MGRN1: variants seen among roughly 807,000 people sequenced by gnomAD.
MGRN1 encodes E3 ubiquitin-protein ligase MGRN1.
In MGRN1, 29 loss-of-function variants were observed where a neutral mutation model predicts 69.2. That is an observed-to-expected ratio of 0.42 (90% CI 0.31 to 0.57). MGRN1 has a LOEUF of 0.57. Ranked by LOEUF, MGRN1 falls within the 20% of genes least tolerant of loss-of-function variation. The pLI is 0.15. For synonymous variants in MGRN1, 470 were observed against 344.2 expected (o/e 1.37, Z -4.04); for missense variants, 998 against 796.2 (o/e 1.25, Z -3.05).
chr16:4,632,040 G>T (rs532509523), intron 1 of MGRN1, among the ~76,000 whole-genome samples: 7 of 113,602 alleles, frequency 6.2e-5, no homozygotes, highest in East Asian at 2.5e-4. Context: ...TTGAGATGGA[G>T]TCTTGCTCTT....
rs551079155 is a variant in MGRN1 at position 4,663,443 on chromosome 16, C to T, written c.562-1266C>T. 1.0e-4 allele frequency among the ~76,000 whole-genome samples: 14 copies of T among 135,014 alleles called. No homozygotes were observed. In the South Asian group the frequency reaches 2.7e-3, roughly 26 times the overall value. 88.6% of individuals were successfully genotyped at this position (135,014 alleles called of 152,430 possible). A position where few individuals can be genotyped will look rare whatever the true frequency, so the allele number is the denominator to read the frequency against. On this transcript the variant is annotated intron_variant, in intron 5 of 16. Coordinates refer to ENST00000262370, the MANE Select transcript of MGRN1 (RefSeq NM_015246.4). ...TCTCCTGCAGCTCACTCGTGTTAAGCGAATGATTCGCTGGCTTTTAGAATG... is the reference window on the plus strand; with the variant it reads ...TCTCCTGCAGCTCACTCGTGTTAAGTGAATGATTCGCTGGCTTTTAGAATG...
intron 1 of MGRN1, among the ~76,000 whole-genome samples, chr16:4,647,451 C>G (rs2078297771): frequency 6.6e-6 from 1 of 152,220 alleles, no homozygotes; most frequent in Admixed American, 6.5e-5. Context: ...GCTCACTGTA[C>G]TGCAGGTGTT....
At chr16:4,630,808 CTT>C (rs58149708) in intron 1 of MGRN1, among the ~76,000 whole-genome samples, 2,097 of 109,166 alleles carry the variant, frequency 0.019, 50 homozygotes, top group African/African-American at 0.061. Flanking sequence ...AGAGTTAATT[CTT>C]TTTTTTTTTT....
intron 1 of MGRN1, among the ~76,000 whole-genome samples, chr16:4,627,362 T>G (rs957813137): frequency 2.0e-5 from 3 of 152,264 alleles, no homozygotes; most frequent in Non-Finnish European, 4.4e-5. Flanking sequence ...GCGCTCAGCT[T>G]GAATTTAATA....
Position 4,683,849 on chromosome 16 carries a change from G to C in MGRN1, c.1535G>C (p.Arg512Pro). 2 of 1,612,166 alleles carry C rather than the reference G, an allele frequency of 1.2e-6. No individual in the cohort carries two copies. Among genetic ancestry groups the C allele is most frequent in the Non-Finnish European group, 1.7e-6 (2 of 1,179,410 alleles). ...CCTCACCCTCTGCCTGCAGGGACCC[G>C]AGCAGCTTCCATTGAGAATGTCCTG... The part of the protein sequence containing the change: ...DESSSPQQGT[R>P]AASIENVLQD... Residue 512 changes from arginine to proline, a missense_variant, in exon 16 of 17, where the codon CGA becomes CCA. Arg to Pro is a moderately radical substitution (Grantham distance 103, BLOSUM62 -2). Transcript: ENST00000262370.
intron 10 of MGRN1, among the ~76,000 whole-genome samples, chr16:4,675,600 T>G (rs2079036560): frequency 6.6e-6 from 1 of 151,838 alleles, no homozygotes; most frequent in African/African-American, 2.4e-5. Flanking sequence ...TAGCCAGATG[T>G]GTTGGCTATA....
At chr16:4,684,075 T>TG in intron 16 of MGRN1, 143 bp downstream of exon 16, 2 of 761,706 alleles carry the variant, frequency 2.6e-6, no homozygotes, top group South Asian at 1.8e-5. Flanking sequence ...GCCATGCCCC[T>TG]GCTATTGACC....
intron 1 of MGRN1, among the ~76,000 whole-genome samples, chr16:4,642,351 T>G (rs2141853176): frequency 6.6e-6 from 1 of 151,906 alleles, no homozygotes; most frequent in South Asian, 2.1e-4. Context: ...AGGCTGGAGT[T>G]CAATGGTGTG....
At chr16:4,683,707 TCCTG>T in intron 15 of MGRN1, 132 bp from the exon 16 acceptor site, 1 of 662,562 alleles carries the variant, frequency 1.5e-6, no homozygotes, top group Non-Finnish European at 2.6e-6. Flanking sequence ...CACGGTGGAG[TCCTG>T]CTGGAGCACA....
chr16:4,650,503 T>G lies in MGRN1; in HGVS notation c.207+20T>G. 6.3e-7 allele frequency: 1 copy of G among 1,579,914 alleles called. No individual in the cohort carries two copies. On this transcript the variant is annotated intron_variant, in intron 2 of 16. Transcript: ENST00000262370. ...GTCCAGGTGGGTCTGGACAGGGCTGTCTCATGGGGCTGTGGGGGTGGGAGG... is the reference window on the plus strand; with the variant it reads ...GTCCAGGTGGGTCTGGACAGGGCTGGCTCATGGGGCTGTGGGGGTGGGAGG...
intron 11 of MGRN1, among the ~76,000 whole-genome samples, chr16:4,678,700 C>T (rs2079109063): frequency 6.6e-6 from 1 of 152,326 alleles, no homozygotes; most frequent in Middle Eastern, 3.4e-3. Flanking sequence ...TCCCCACTGG[C>T]CACGCGCATT....
intron 16 of MGRN1, chr16:4,686,333 G>A (rs1305222541): frequency 1.7e-5 from 26 of 1,540,328 alleles, no homozygotes; most frequent in East Asian, 2.4e-5. Context: ...CGCTTCGGGG[G>A]CTCTGACGCG....
intron 1 of MGRN1, among the ~76,000 whole-genome samples, chr16:4,637,732 G>A (rs896301487): frequency 2.0e-5 from 3 of 152,206 alleles, no homozygotes; most frequent in African/African-American, 7.2e-5. Flanking sequence ...TGAGGCCATC[G>A]CCACCCACCA....
chr16:4,664,838 A>G, intron 6 of MGRN1, 63 bp downstream of exon 6: 1 of 1,583,452 alleles, frequency 6.3e-7, no homozygotes, highest in South Asian at 1.1e-5. Context: ...GCACGTCTTG[A>G]GGGAGGAGTG....
At chr16:4,627,275 T>C (rs985760782) in intron 1 of MGRN1, among the ~76,000 whole-genome samples, 1 of 152,250 alleles carries the variant, frequency 6.6e-6, no homozygotes, top group Admixed American at 6.5e-5. Flanking sequence ...AAAGAGTCAC[T>C]GGGTGGTAAT....
intron 8 of MGRN1, among the ~76,000 whole-genome samples, chr16:4,668,704 A>C (rs563201596): frequency 7.3e-5 from 11 of 150,526 alleles, no homozygotes; most frequent in Admixed American, 2.6e-4. Context: ...ATACACACAT[A>C]CACTCACACT....
rs1596314880 is a variant in MGRN1, at chr16:4,680,057, A to G, written c.1091A>G (p.His364Arg). The G allele has an allele frequency of 6.2e-7, 1 of 1,613,710 alleles. No homozygotes were observed. Among genetic ancestry groups the G allele is most frequent in the Non-Finnish European group, 8.5e-7 (1 of 1,179,870 alleles). ...TGTCCCTTTAAAAAATCAAAGCCGC[A>G]CCCCGCCTCCCTGGCCAGCAAGAAA... The part of the protein sequence containing the change: ...HSCPFKKSKP[H>R]PASLASKKPK... The change falls in exon 12 of 17, where the codon CAC becomes CGC. Residue 364 changes from histidine to arginine, a missense_variant. His to Arg is a conservative substitution (Grantham distance 29). Coordinates refer to ENST00000262370, the MANE Select transcript of MGRN1 (RefSeq NM_015246.4).
At position 4,652,808 on chromosome 16, in the gene MGRN1, C is replaced by T. The variant is rs761468843; in HGVS notation, c.427C>T (p.Leu143=). The T allele has an allele frequency of 8.4e-5, 135 of 1,609,660 alleles. No individual in the cohort carries two copies. Among genetic ancestry groups the T allele is most frequent in the Non-Finnish European group, 1.1e-4 (132 of 1,178,022 alleles). ...CTACTGCCAGGCATCGGAGGAGTTC[C>T]TGAACGGCAGGGCAGTGTGAGTCCC... ...TIYCQASEEF[L]NGRAVYSPKS... The change falls in exon 4 of 17, where the codon CTG becomes TTG. Residue 143 remains leucine, a synonymous_variant. Transcript: ENST00000262370.
intron 1 of MGRN1, among the ~76,000 whole-genome samples, chr16:4,626,034 C>T (rs765056684): frequency 4.8e-4 from 73 of 152,338 alleles, no homozygotes; most frequent in Middle Eastern, 3.4e-3. Context: ...CATGCCAGGG[C>T]CTGCCTGGGA....
Sources: allele counts gnomAD v4.1 joint callset (sites outside exome capture counted in the v4.1 genomes callset), GRCh38; gene constraint gnomAD v4.1.1; transcripts MANE v1.5; gene names NCBI Gene and HGNC (gene_info 2026-07-23, HGNC 2026-07-21).